The following ABTB3 variants were observed in gnomAD, a reference collection of about 807,000 sequenced individuals.
ABTB3 encodes ankyrin repeat- and BTB/POZ domain-containing protein 3.
chr12:107,642,058 C>T, the ABTB3 span: 2 of 1,598,308 alleles, frequency 1.3e-6, no homozygotes, highest in East Asian at 2.2e-5. Context: ...GTGTGTGAGT[C>T]TTTTTTATCT....
At chr12:107,581,153 C>T in the ABTB3 span, 1 of 1,544,916 alleles carries the variant, frequency 6.5e-7, no homozygotes, top group Non-Finnish European at 8.7e-7. Context: ...CCACCGCAGG[C>T]CCTTCCTCGT....
At chr12:107,649,295 T>G in the ABTB3 span, 1 of 1,605,000 alleles carries the variant, frequency 6.2e-7, no homozygotes, top group South Asian at 1.1e-5. Flanking sequence ...CATTGTGGTG[T>G]TGGCTATCAT....
At chr12:107,560,707 T>C in the ABTB3 span, among the ~76,000 whole-genome samples, 1 of 152,162 alleles carries the variant, frequency 6.6e-6, no homozygotes, top group East Asian at 1.9e-4. Context: ...GGTAATCTCC[T>C]CCCTCTCTTT....
At chr12:107,492,781 C>A in the ABTB3 span, among the ~76,000 whole-genome samples, 2 of 152,128 alleles carry the variant, frequency 1.3e-5, no homozygotes, top group African/African-American at 4.8e-5. Context: ...TGAAAGCCAG[C>A]ATGTTTAGGG....
chr12:107,484,724 G>A, the ABTB3 span, among the ~76,000 whole-genome samples: 1 of 152,124 alleles, frequency 6.6e-6, no homozygotes, highest in Non-Finnish European at 1.5e-5. Flanking sequence ...CAGCAATGAA[G>A]GTAGCAGATG....
At chr12:107,593,824 A>G in the ABTB3 span, among the ~76,000 whole-genome samples, 1 of 152,138 alleles carries the variant, frequency 6.6e-6, no homozygotes, top group South Asian at 2.1e-4. Context: ...GGCCCCACCC[A>G]GCAGGACTAC....
At chr12:107,637,163 G>A in the ABTB3 span, among the ~76,000 whole-genome samples, 1 of 152,160 alleles carries the variant, frequency 6.6e-6, no homozygotes, top group Non-Finnish European at 1.5e-5. Context: ...TCATTTATTT[G>A]TCATTACTTT....
At chr12:107,353,066 C>A in the ABTB3 span, among the ~76,000 whole-genome samples, 4 of 152,184 alleles carry the variant, frequency 2.6e-5, no homozygotes, top group African/African-American at 9.7e-5. Flanking sequence ...GTAGGAGACC[C>A]ATCAGGTGAT....
the ABTB3 span, among the ~76,000 whole-genome samples, chr12:107,409,196 A>T: frequency 6.6e-6 from 1 of 152,214 alleles, no homozygotes; most frequent in East Asian, 1.9e-4. Flanking sequence ...GAGAGAGCCC[A>T]GGCCCCATGG....
At chr12:107,340,137 C>A in the ABTB3 span, among the ~76,000 whole-genome samples, 2 of 152,120 alleles carry the variant, frequency 1.3e-5, no homozygotes, top group East Asian at 1.9e-4. Context: ...TCACATTAAG[C>A]ATGTTAGCCA....
the ABTB3 span, among the ~76,000 whole-genome samples, chr12:107,381,569 G>A: frequency 6.6e-6 from 1 of 152,234 alleles, no homozygotes; most frequent in African/African-American, 2.4e-5. Context: ...GTCTTCCTCA[G>A]GGCTGGGCAG....
At chr12:107,391,336 A>G in the ABTB3 span, among the ~76,000 whole-genome samples, 2 of 152,090 alleles carry the variant, frequency 1.3e-5, no homozygotes, top group African/African-American at 4.8e-5. Flanking sequence ...GCATTCTGGC[A>G]CCACAGTTGG....
At chr12:107,556,773 G>T in the ABTB3 span, among the ~76,000 whole-genome samples, 5 of 152,090 alleles carry the variant, frequency 3.3e-5, no homozygotes, top group African/African-American at 1.2e-4. Context: ...CAATTTGGGA[G>T]GCTAAGGTGG....
chr12:107,581,132 G>C, the ABTB3 span: 1 of 1,546,252 alleles, frequency 6.5e-7, no homozygotes, highest in Admixed American at 2.0e-5. Context: ...CGCGTCTCCG[G>C]GTCCCTCCTC....
At chr12:107,640,563 C>T in the ABTB3 span, 4 of 532,242 alleles carry the variant, frequency 7.5e-6, no homozygotes, top group Admixed American at 7.3e-5. Flanking sequence ...AAGCTGCTAG[C>T]ATAAACAACC....
the ABTB3 span, among the ~76,000 whole-genome samples, chr12:107,405,176 AC>A: frequency 6.6e-6 from 1 of 152,178 alleles, no homozygotes; most frequent in African/African-American, 2.4e-5. Context: ...CAGGTTGTAC[AC>A]TGCTCAGCTC....
chr12:107,610,349 C>T, the ABTB3 span: 14 of 1,613,930 alleles, frequency 8.7e-6, no homozygotes, highest in Non-Finnish European at 1.1e-5. Context: ...ACACCATGAG[C>T]GAACAGGTAC....
At chr12:107,651,644 C>T in the ABTB3 span, 1 of 1,539,832 alleles carries the variant, frequency 6.5e-7, no homozygotes, top group Non-Finnish European at 9.0e-7. Context: ...CACCTCCCAG[C>T]CTCTAACAGA....
the ABTB3 span, among the ~76,000 whole-genome samples, chr12:107,329,348 G>A: frequency 5.3e-5 from 8 of 152,084 alleles, no homozygotes; most frequent in Non-Finnish European, 7.4e-5. Flanking sequence ...CAATTTTCTC[G>A]TCTGCTTAAT....
Sources: allele counts gnomAD v4.1 joint callset (sites outside exome capture counted in the v4.1 genomes callset), GRCh38; gene constraint gnomAD v4.1.1; transcripts MANE v1.5; gene names NCBI Gene and HGNC (gene_info 2026-07-23, HGNC 2026-07-21).